The following MYH9 variants were observed in gnomAD, a reference collection of about 807,000 sequenced individuals.
The protein encoded by MYH9 is myosin-9.
Under a neutral mutation model 241.9 loss-of-function variants are expected in MYH9, and 29 were observed. The observed-to-expected ratio is 0.12, with a 90% CI of 0.09 to 0.16. The LOEUF (loss-of-function observed/expected upper bound fraction) is 0.16. MYH9 is among the 10% of genes least tolerant of loss of function. The pLI is 1.00. For synonymous variants in MYH9, 1,047 were observed against 1,062.6 expected, an observed-to-expected ratio of 0.99 and a Z score of 0.29; for missense variants, 1,803 against 2,595.5, an observed-to-expected ratio of 0.69 and a Z score of 6.63.
At chr22:36,341,794 T>A (rs946279189) in intron 2 of MYH9, among the ~76,000 whole-genome samples, 3 of 152,178 alleles carry the variant, frequency 2.0e-5, no homozygotes, top group Non-Finnish European at 4.4e-5. Context: ...TGAGTGTGCG[T>A]ATCCACCAGG....
Position 36,295,103 on chromosome 22 carries a change from G to A in MYH9, c.3486-27C>T, listed in dbSNP as rs754700132. On this transcript the variant is annotated intron_variant, in intron 26 of 40. Coordinates refer to ENST00000216181, the MANE Select transcript of MYH9 (RefSeq NM_002473.6). The surrounding 1 kb of genome is among the most constrained non-coding windows in gnomAD (Gnocchi z 4.1). Reference sequence around the variant, plus strand: ...TGGACAGAGAAATCCCCTCAGAGTGGAGGCCGGGGATGCTGGAGCGAGGCT... The same window carrying A: ...TGGACAGAGAAATCCCCTCAGAGTGAAGGCCGGGGATGCTGGAGCGAGGCT... The A allele has an allele frequency of 6.8e-6, 11 of 1,614,066 alleles. No homozygotes were observed. In the South Asian group the frequency reaches 1.1e-4, roughly 16 times the overall value.
At position 36,349,231 on chromosome 22, in the gene MYH9, T is replaced by C. The variant is rs1350048323; in HGVS notation, c.6A>G (p.Ala2=). The C allele has an allele frequency of 6.2e-7, 1 of 1,614,018 alleles. No homozygotes were observed. ...AGAGATACTTATCGGCAGCTTGCTG[T>C]GCCATGGTGACTTATAGCCAGGACC... M[A]QQAADKYLYV... The change falls in exon 2 of 41, where the codon GCA becomes GCG. Residue 2 remains alanine (A), a synonymous_variant. Transcript: ENST00000216181.
chr22:36,293,659 G>C lies in MYH9; in HGVS notation c.3942+100C>G. The C allele has an allele frequency of 7.5e-7, 1 of 1,334,774 alleles. No homozygotes were observed. Among genetic ancestry groups the C allele is most frequent in the Non-Finnish European group, 1.1e-6 (1 of 944,104 alleles). The allele number at this position is 1,334,774 out of a possible 1,614,324, so 82.7% of individuals were successfully genotyped here. On this transcript the variant is annotated intron_variant, in intron 29 of 40. Coordinates refer to ENST00000216181, the MANE Select transcript of MYH9 (RefSeq NM_002473.6). This position sits in a 1 kb window ranked among gnomAD's most constrained non-coding sequence, Gnocchi z 5.1. ...CACCCACAGGATGAAGCAGATGAAGGAGAGGATGGGCAATCCGATGGGCTC... is the reference window on the plus strand; with the variant it reads ...CACCCACAGGATGAAGCAGATGAAGCAGAGGATGGGCAATCCGATGGGCTC...
At position 36,300,324 on chromosome 22, in the gene MYH9, G is replaced by C; in HGVS notation, c.2839-60C>G. The stretch of plus-strand genomic sequence containing the variant: ...GCCCAGAGGCATGGCCAAGGTGAAG[G>C]CAGCAAGGTCCGAAGGCCAGATCCA... On this transcript the variant is annotated intron_variant, in intron 22 of 40. Transcript: ENST00000216181. The surrounding 1 kb of genome is among the most constrained non-coding windows in gnomAD (Gnocchi z 5.0). The C allele has an allele frequency of 6.2e-7, 1 of 1,604,748 alleles. No homozygotes were observed. The highest frequency in any genetic ancestry group is 1.7e-4 in the Middle Eastern group (1 of 6,040).
chr22:36,308,165 C>A (rs1054842978), intron 15 of MYH9, among the ~76,000 whole-genome samples: 3 of 152,148 alleles, frequency 2.0e-5, no homozygotes, highest in African/African-American at 7.2e-5. Flanking sequence ...ATACCTGAAC[C>A]TCATGCTAAG....
chr22:36,356,323 G>A (rs1179638000), intron 1 of MYH9, among the ~76,000 whole-genome samples: 1 of 152,144 alleles, frequency 6.6e-6, no homozygotes, highest in Non-Finnish European at 1.5e-5. Flanking sequence ...GCTCATGCCT[G>A]TAATCCCTGC....
At chr22:36,312,578 C>T (rs1418518520) in intron 13 of MYH9, among the ~76,000 whole-genome samples, 2 of 152,192 alleles carry the variant, frequency 1.3e-5, no homozygotes, top group Non-Finnish European at 2.9e-5. Context: ...CCCTGTGATC[C>T]TGCCACGGGA....
chr22:36,336,640 G>A (rs1253243514), intron 3 of MYH9, among the ~76,000 whole-genome samples: 12 of 152,208 alleles, frequency 7.9e-5, no homozygotes, highest in African/African-American at 2.2e-4. Context: ...GCAGGAGGGT[G>A]AACCGACCAT....
intron 2 of MYH9, among the ~76,000 whole-genome samples, chr22:36,347,283 C>T (rs2017692142): frequency 1.3e-5 from 2 of 151,884 alleles, no homozygotes; most frequent in South Asian, 4.1e-4. Context: ...ACATGCTGCT[C>T]TCTGGACTCT....
chr22:36,343,358 AG>A (rs1436778465), intron 2 of MYH9, among the ~76,000 whole-genome samples: 2 of 152,112 alleles, frequency 1.3e-5, no homozygotes, highest in Admixed American at 1.3e-4. Flanking sequence ...CAAAAAAGCA[AG>A]TTTCCATCAC....
At chr22:36,371,028 C>T (rs551859909) in intron 1 of MYH9, among the ~76,000 whole-genome samples, 17 of 152,176 alleles carry the variant, frequency 1.1e-4, no homozygotes, top group South Asian at 6.2e-4. Context: ...ATTAAACAAC[C>T]GGTAGAGCAC....
At chr22:36,357,963 C>T (rs1382746095) in intron 1 of MYH9, among the ~76,000 whole-genome samples, 1 of 152,214 alleles carries the variant, frequency 6.6e-6, no homozygotes, top group Non-Finnish European at 1.5e-5. Context: ...AACACGGCAG[C>T]TCAGCCTGCG....
intron 2 of MYH9, among the ~76,000 whole-genome samples, chr22:36,342,912 G>A (rs930282460): frequency 2.6e-5 from 4 of 152,212 alleles, no homozygotes; most frequent in Non-Finnish European, 4.4e-5. Flanking sequence ...CCTTGGTCAC[G>A]GAGGCCAGTT....
At chr22:36,335,851 CATT>C (rs1194297178) in intron 3 of MYH9, among the ~76,000 whole-genome samples, 1 of 152,230 alleles carries the variant, frequency 6.6e-6, no homozygotes, top group Non-Finnish European at 1.5e-5. Flanking sequence ...AGCCAGTTAA[CATT>C]ATCTGTGCCT....
chr22:36,350,746 G>A (rs1457119930), intron 1 of MYH9, among the ~76,000 whole-genome samples: 2 of 152,176 alleles, frequency 1.3e-5, no homozygotes, highest in Non-Finnish European at 2.9e-5. Context: ...CCAGTCCTGT[G>A]GCCTTTCCAC....
chr22:36,385,127 C>A (rs1284768227), intron 1 of MYH9, among the ~76,000 whole-genome samples: 1 of 151,482 alleles, frequency 6.6e-6, no homozygotes, highest in African/African-American at 2.4e-5. Context: ...ATTTTTGGAA[C>A]ATGATGCTTG....
At chr22:36,382,178 A>C (rs1174620575) in intron 1 of MYH9, among the ~76,000 whole-genome samples, 1 of 152,000 alleles carries the variant, frequency 6.6e-6, no homozygotes, top group Non-Finnish European at 1.5e-5. Flanking sequence ...CCCATCAATA[A>C]GGTACCAGAG....
Position 36,288,167 on chromosome 22 carries a change from G to C in MYH9, c.4932+85C>G. On this transcript the variant is annotated intron_variant, in intron 34 of 40. Coordinates refer to ENST00000216181, the MANE Select transcript of MYH9 (RefSeq NM_002473.6). The surrounding 1 kb of genome is among the most constrained non-coding windows in gnomAD (Gnocchi z 4.8). The stretch of plus-strand genomic sequence containing the variant: ...GGAGGTGCCACCCTGCCAGGTTCCC[G>C]CCCTGGGCCGAGCCCTGGCACCTTC... The C allele has an allele frequency of 6.4e-7, 1 of 1,558,580 alleles. No individual in the cohort carries two copies. Among genetic ancestry groups the C allele is most frequent in the Non-Finnish European group, 8.8e-7 (1 of 1,140,828 alleles).
Position 36,288,469 on chromosome 22 carries a change from C to A in MYH9, c.4771-56G>T. ...GCTGGACCCACTGGGAGACCCTGCC[C>A]TAGCTCTGAACTCAGGAGCCTCAGG... is the stretch of plus-strand genomic sequence containing the variant. On this transcript the variant is annotated intron_variant, in intron 33 of 40. Transcript: ENST00000216181. This position sits in a 1 kb window ranked among gnomAD's most constrained non-coding sequence, Gnocchi z 4.8. The A allele has an allele frequency of 2.5e-6, 4 of 1,599,304 alleles. No individual in the cohort carries two copies. The highest frequency in any genetic ancestry group is 3.4e-6 in the Non-Finnish European group (4 of 1,178,050).
Sources: gnomAD v4.1 joint callset for allele counts (sites outside exome capture counted in the v4.1 genomes callset) on GRCh38, gnomAD v4.1.1 for gene constraint, Gnocchi (gnomAD v3.1) non-coding constraint, MANE v1.5 for transcripts, NCBI Gene and HGNC (gene_info 2026-07-23, HGNC 2026-07-21) for gene names.